The following HSD11B2 variants were observed in gnomAD, a reference collection of about 807,000 sequenced individuals.
HSD11B2 encodes the protein 11-beta-hydroxysteroid dehydrogenase type 2.
HSD11B2 carries 17 observed loss-of-function variants against 20.9 expected under a neutral mutation model. That is an observed-to-expected ratio of 0.81 (90% CI 0.56 to 1.22). The LOEUF is 1.22. Among genes scored for constraint, HSD11B2 ranks in the 50% most tolerant of loss-of-function variants. HSD11B2 has a pLI of 0.00. For missense variants in HSD11B2, 480 were observed against 563.6 expected (o/e 0.85, Z 1.50); for synonymous variants, 253 against 255.4 (o/e 0.99, Z 0.09).
chr16:67,435,064 C>T (rs1416595906), intron 1 of HSD11B2, among the ~76,000 whole-genome samples: 2 of 150,312 alleles, frequency 1.3e-5, no homozygotes, highest in African/African-American at 2.5e-5. Context: ...ACCAGCCAGG[C>T]GTGGTGACAC....
rs370302671 is a variant in HSD11B2, at chr16:67,435,656, G to A, written c.294G>A (p.Thr98=). The change falls in exon 2 of 5, where the codon ACG becomes ACA. Residue 98 remains threonine, a synonymous_variant. Coordinates refer to ENST00000326152, the MANE Select transcript of HSD11B2 (RefSeq NM_000196.4). The part of the protein sequence containing the change: ...TGCDSGFGKE[T]AKKLDSMGFT... ...GTGACTCTGGTTTTGGCAAGGAGAC[G>A]GCCAAGAAACTGGACTCCATGGGCT... 51 of 1,613,556 alleles carry A rather than the reference G, an allele frequency of 3.2e-5. No individual in the cohort carries two copies. The highest frequency in any genetic ancestry group is 3.8e-5 in the Non-Finnish European group (45 of 1,179,984).
chr16:67,437,478 A>C lies in HSD11B2; in HGVS notation c.*475A>C. 1 of 196,482 alleles carries C rather than the reference A, an allele frequency of 5.1e-6. No homozygotes were observed. The allele number at this position is 196,482 out of a possible 1,614,324, so 12.2% of individuals were successfully genotyped here. On this transcript the variant is annotated 3_prime_UTR_variant, in exon 5 of 5. Coordinates refer to ENST00000326152, the MANE Select transcript of HSD11B2 (RefSeq NM_000196.4). Reference sequence around the variant, plus strand: ...ATTAGGGCCCCAACTACACACCCCCAAGCCACAGGGAAGCATGTACTGTAC... The same window carrying C: ...ATTAGGGCCCCAACTACACACCCCCCAGCCACAGGGAAGCATGTACTGTAC...
Position 67,436,397 on chromosome 16 carries a change from G to A in HSD11B2, c.802+11G>A. The A allele has an allele frequency of 6.2e-7, 1 of 1,602,650 alleles. No individual in the cohort carries two copies. Among genetic ancestry groups the A allele is most frequent in the Non-Finnish European group, 8.5e-7 (1 of 1,173,448 alleles). Reference sequence around the variant, plus strand: ...GCTGCTTCAAGACAGGTGGGAATCAGGGCTGGGGGTGGGGTGGGGGTGGGG... The same window carrying A: ...GCTGCTTCAAGACAGGTGGGAATCAAGGCTGGGGGTGGGGTGGGGGTGGGG... On this transcript the variant is annotated intron_variant, in intron 4 of 4. Transcript: ENST00000326152. The surrounding 1 kb of genome is among the most constrained non-coding windows in gnomAD (Gnocchi z 5.7).
chr16:67,432,334 G>A (rs1176024440), intron 1 of HSD11B2, among the ~76,000 whole-genome samples: 2 of 152,072 alleles, frequency 1.3e-5, no homozygotes, highest in African/African-American at 4.8e-5. Context: ...CCATTGCATC[G>A]TGGGAGGAGC....
Position 67,431,347 on chromosome 16 carries a change from G to C in HSD11B2, c.99G>C (p.Pro33=). 8.1e-7 allele frequency: 1 copy of C among 1,239,260 alleles called. No individual in the cohort carries two copies. Among genetic ancestry groups the C allele is most frequent in the South Asian group, 2.2e-5 (1 of 45,284 alleles). 76.8% of individuals were successfully genotyped at this position (1,239,260 alleles called of 1,614,324 possible). The change falls in exon 1 of 5, where the codon CCG becomes CCC. Residue 33 remains proline, a synonymous_variant. Coordinates refer to ENST00000326152, the MANE Select transcript of HSD11B2 (RefSeq NM_000196.4). ...LLRSDLRLGR[P]LLAALALLAA... is the part of the protein sequence containing the mutation. Reference sequence around the variant, plus strand: ...GCTCAGACCTGCGTCTGGGCCGCCCGCTGCTGGCGGCGCTGGCGCTGCTGG... The same window carrying C: ...GCTCAGACCTGCGTCTGGGCCGCCCCCTGCTGGCGGCGCTGGCGCTGCTGG...
In HSD11B2 at chr16:67,437,337, G is replaced by A; in HGVS notation, c.*334G>A. 2.4e-6 allele frequency: 1 copy of A among 421,510 alleles called. No individual in the cohort carries two copies. Among genetic ancestry groups the A allele is most frequent in the East Asian group, 4.4e-5 (1 of 22,948 alleles). The allele number at this position is 421,510 out of a possible 1,614,324, so 26.1% of individuals were successfully genotyped here. On this transcript the variant is annotated 3_prime_UTR_variant, in exon 5 of 5. Coordinates refer to ENST00000326152, the MANE Select transcript of HSD11B2 (RefSeq NM_000196.4). ...ACAGGACTCTGCAGATAGTGCCTCT[G>A]CAAACTAAGGAGTGACTAGGTGGGT...
At chr16:67,430,117 C>G (rs1355517482), upstream of HSD11B2, among the ~76,000 whole-genome samples, 2 of 139,200 alleles carry the variant, frequency 1.4e-5, no homozygotes, top group African/African-American at 2.6e-5. This position sits in a 1 kb window ranked among gnomAD's most constrained non-coding sequence, Gnocchi z 5.4. Context: ...ATGCTAGGCA[C>G]AGGGTGCCAG....
At position 67,437,415 on chromosome 16, in the gene HSD11B2, G is replaced by T; in HGVS notation, c.*412G>T. 1 of 265,392 alleles carries T rather than the reference G, an allele frequency of 3.8e-6. No homozygotes were observed. Among genetic ancestry groups the T allele is most frequent in the Non-Finnish European group, 7.2e-6 (1 of 137,938 alleles). 16.4% of individuals were successfully genotyped at this position (265,392 alleles called of 1,614,324 possible). On this transcript the variant is annotated 3_prime_UTR_variant, in exon 5 of 5. Coordinates refer to ENST00000326152, the MANE Select transcript of HSD11B2 (RefSeq NM_000196.4). ...GCACCAGTGCCTCAGTGCTGCAATT[G>T]AGGGCTAAATCCCAAGTGTCTCTTG... is the stretch of plus-strand genomic sequence containing the variant.
chr16:67,436,721 C>A lies in HSD11B2; in HGVS notation c.936C>A (p.Arg312=). Residue 312 remains arginine (R), a synonymous_variant, in exon 5 of 5, where the codon CGC becomes CGA. Transcript: ENST00000326152. This position sits in a 1 kb window ranked among gnomAD's most constrained non-coding sequence, Gnocchi z 5.7. ...ATGGGCAGTTCCTGCACTCGCTACGCCTGGCCATGTCCGACCTCACCCCAG... is the reference window on the plus strand; with the variant it reads ...ATGGGCAGTTCCTGCACTCGCTACGACTGGCCATGTCCGACCTCACCCCAG... ...HLHGQFLHSL[R]LAMSDLTPVV... is the part of the protein sequence containing the mutation. 1 of 1,614,142 alleles carries A rather than the reference C, an allele frequency of 6.2e-7. No homozygotes were observed. The highest frequency in any genetic ancestry group is 1.3e-5 in the African/African-American group (1 of 75,062).
At chr16:67,434,062 A>G (rs1162228711) in intron 1 of HSD11B2, among the ~76,000 whole-genome samples, 1 of 152,114 alleles carries the variant, frequency 6.6e-6, no homozygotes, top group Non-Finnish European at 1.5e-5. Flanking sequence ...TATCAGTACT[A>G]TGGACCCCTA....
chr16:67,433,754 G>C (rs1030998375), intron 1 of HSD11B2, among the ~76,000 whole-genome samples: 2 of 151,544 alleles, frequency 1.3e-5, no homozygotes, highest in African/African-American at 4.9e-5. Context: ...CTCCAAGGCA[G>C]ACTTGCCTGG....
At chr16:67,430,252 G>A (rs45563339), upstream of HSD11B2, among the ~76,000 whole-genome samples, 194 of 152,256 alleles carry the variant, frequency 1.3e-3, 1 homozygote, top group African/African-American at 4.6e-3. The surrounding 1 kb of genome is among the most constrained non-coding windows in gnomAD (Gnocchi z 5.4). Flanking sequence ...GTTCAGGGGA[G>A]CAAGGCAGGG....
chr16:67,431,409 C>T lies in HSD11B2; in HGVS notation c.161C>T (p.Pro54Leu). The part of the protein sequence containing the change: ...LDWLCQRLLP[P>L]PAALAVLAAA... ...TGGCTGTGCCAGCGCCTGCTGCCCC[C>T]GCCGGCCGCACTCGCCGTGCTGGCC... The change falls in exon 1 of 5, where the codon CCG becomes CTG. Residue 54 changes from proline (P) to leucine (L), a missense_variant. This residue lies in a region of HSD11B2 where 106 missense variants were observed against 82.8 expected (regional missense o/e 1.28). Coordinates refer to ENST00000326152, the MANE Select transcript of HSD11B2 (RefSeq NM_000196.4). 1 of 1,280,340 alleles carries T rather than the reference C, an allele frequency of 7.8e-7. No individual in the cohort carries two copies. The highest frequency in any genetic ancestry group is 9.8e-7 in the Non-Finnish European group (1 of 1,016,254). The allele number at this position is 1,280,340 out of a possible 1,614,324, so 79.3% of individuals were successfully genotyped here.
rs28934592 is a variant in HSD11B2 at position 67,436,101 on chromosome 16, G to A, written c.623G>A (p.Arg208His). 7 of 1,613,936 alleles carry A rather than the reference G, an allele frequency of 4.3e-6. No homozygotes were observed. The highest frequency in any genetic ancestry group is 3.3e-5 in the Admixed American group (2 of 60,002). The change falls in exon 3 of 5, where the codon CGC becomes CAC. Residue 208 changes from arginine to histidine, a missense_variant. Arg to His is a conservative substitution (Grantham distance 29). This residue lies in a region of HSD11B2 where 374 missense variants were observed against 480.9 expected (regional missense o/e 0.78). Transcript: ENST00000326152. The surrounding 1 kb of genome is among the most constrained non-coding windows in gnomAD (Gnocchi z 5.7). ...ELTKGLLPLL[R>H]SSRGRIVTVG... is the part of the protein sequence containing the mutation. ...ACCAAGGGCCTCCTGCCCCTGCTGCGCAGCTCAAGGGGCCGCATCGTGACT... is the reference window on the plus strand; with the variant it reads ...ACCAAGGGCCTCCTGCCCCTGCTGCACAGCTCAAGGGGCCGCATCGTGACT...
Position 67,431,469 on chromosome 16 carries a change from G to C in HSD11B2, c.221G>C (p.Arg74Pro). ...TGGATCGCGTTGTCCCGCCTGGCGC[G>C]CCCGCAGCGCCTGCCGGTGGCCACT... Reference protein sequence around the residue: ...AGWIALSRLARPQRLPVATRA... With the variant: ...AGWIALSRLAPPQRLPVATRA... The change falls in exon 1 of 5, where the codon CGC becomes CCC. Residue 74 changes from arginine to proline, a missense_variant. This residue lies in a region of HSD11B2 where 374 missense variants were observed against 480.9 expected (regional missense o/e 0.78). Transcript: ENST00000326152. 1.4e-6 allele frequency: 2 copies of C among 1,391,498 alleles called. No individual in the cohort carries two copies. The highest frequency in any genetic ancestry group is 3.1e-5 in the South Asian group (2 of 63,752). The allele number at this position is 1,391,498 out of a possible 1,614,324, so 86.2% of individuals were successfully genotyped here.
upstream of HSD11B2, among the ~76,000 whole-genome samples, chr16:67,429,875 C>G (rs1021768664): frequency 7.9e-5 from 12 of 152,184 alleles, no homozygotes; most frequent in African/African-American, 1.2e-4. Flanking sequence ...CCCTGAAACC[C>G]TGGCAGAGCC....
intron 1 of HSD11B2, among the ~76,000 whole-genome samples, chr16:67,432,163 C>A (rs1320614087): frequency 6.6e-6 from 1 of 151,868 alleles, no homozygotes; most frequent in African/African-American, 2.4e-5. Context: ...CAGGAAGGAG[C>A]TCTTAGAGAG....
In HSD11B2 at chr16:67,436,100, C is replaced by T. The variant is rs121917780; in HGVS notation, c.622C>T (p.Arg208Cys). Residue 208 changes from arginine (R) to cysteine (C), a missense_variant, in exon 3 of 5, where the codon CGC (arginine) becomes TGC (cysteine). Transcript: ENST00000326152. This position sits in a 1 kb window ranked among gnomAD's most constrained non-coding sequence, Gnocchi z 5.7. ...ELTKGLLPLL[R>C]SSRGRIVTVG... is the part of the protein sequence containing the mutation. ...GACCAAGGGCCTCCTGCCCCTGCTG[C>T]GCAGCTCAAGGGGCCGCATCGTGAC... 2.5e-6 allele frequency: 4 copies of T among 1,614,050 alleles called. No homozygotes were observed. Among genetic ancestry groups the T allele is most frequent in the East Asian group, 2.2e-5 (1 of 44,880 alleles).
intron 1 of HSD11B2, among the ~76,000 whole-genome samples, chr16:67,434,302 G>C (rs375341160): frequency 1.3e-5 from 2 of 152,192 alleles, no homozygotes; most frequent in Non-Finnish European, 2.9e-5. Context: ...GTGAAGTGGG[G>C]ATGGGCCTCC....
Sources: gnomAD v4.1 joint callset for allele counts (sites outside exome capture counted in the v4.1 genomes callset) on GRCh38, gnomAD v4.1.1 for gene constraint, gnomAD v4.1.1 regional missense constraint, Gnocchi (gnomAD v3.1) non-coding constraint, MANE v1.5 for transcripts, NCBI Gene and HGNC (gene_info 2026-07-23, HGNC 2026-07-21) for gene names.